Variants in MYO9A observed in about 807,000 individuals in gnomAD.
MYO9A encodes the protein myosin IXA.
Under a neutral mutation model 293.3 loss-of-function variants are expected in MYO9A, and 103 were observed. That is an observed-to-expected ratio of 0.35 (90% CI 0.30 to 0.41). The LOEUF (loss-of-function observed/expected upper bound fraction) is 0.41, where lower values mean the gene tolerates loss of function less well. Among genes scored for constraint, MYO9A ranks in the 10% least tolerant of loss-of-function variants. The pLI is 1.00. For missense variants in MYO9A, 2,685 were observed against 3,033.0 expected (o/e 0.89, Z 2.69); for synonymous variants, 1,001 against 1,035.7 (o/e 0.97, Z 0.64).
rs2056816408 is a variant in MYO9A at position 71,879,758 on chromosome 15, C to T, written c.5702G>A (p.Arg1901Gln). Residue 1901 changes from arginine to glutamine, a missense_variant, in exon 30 of 42, where the codon CGG becomes CAG. By Grantham distance (43) the Arg-to-Gln change is conservative. Transcript: ENST00000356056. Reference sequence around the variant, plus strand: ...TGAATAAAAGCTGAAGATATTCTGCCGAAATTCCTTCAGGGCTTTTTTAAA... The same window carrying T: ...TGAATAAAAGCTGAAGATATTCTGCTGAAATTCCTTCAGGGCTTTTTTAAA... ...VVFKKALKEF[R>Q]QNIFSFYSSA... The T allele has an allele frequency of 1.9e-6, 3 of 1,613,538 alleles. No homozygotes were observed. Among genetic ancestry groups the T allele is most frequent in the Non-Finnish European group, 2.5e-6 (3 of 1,179,636 alleles).
chr15:72,022,455 A>G (rs1177798410), intron 4 of MYO9A, among the ~76,000 whole-genome samples: 1 of 151,148 alleles, frequency 6.6e-6, no homozygotes, highest in Non-Finnish European at 1.5e-5. Context: ...CAGGAGGCGG[A>G]GGTTGCAGTG....
rs774915090 is a variant in MYO9A, at chr15:71,898,232, G to C, written c.4271C>G (p.Pro1424Arg). The change falls in exon 25 of 42, where the codon CCC (proline) becomes CGC (arginine). Residue 1424 changes from proline (P) to arginine (R), a missense_variant. Physicochemically the swap from Pro to Arg is moderately radical, Grantham distance 103. Coordinates refer to ENST00000356056, the MANE Select transcript of MYO9A (RefSeq NM_006901.4). ...ATTTGTTTTCAGTGGGTCTTGTTGG[G>C]GGATATAAAAAAAAGTAGGTAGACT... ...SNSLPTFFYIPQQDPLKTNSQ... is the reference protein window; with the variant it reads ...SNSLPTFFYIRQQDPLKTNSQ... 9.9e-6 allele frequency: 16 copies of C among 1,613,750 alleles called. No individual in the cohort carries two copies. The highest frequency in any genetic ancestry group is 1.3e-5 in the Non-Finnish European group (15 of 1,179,980).
intron 1 of MYO9A, among the ~76,000 whole-genome samples, chr15:72,078,917 G>A (rs549945694): frequency 5.9e-5 from 9 of 152,294 alleles, no homozygotes; most frequent in African/African-American, 2.2e-4. Context: ...TCTGGAAAAG[G>A]CAAAACTATG....
chr15:72,042,885 G>A (rs972306497), intron 2 of MYO9A, among the ~76,000 whole-genome samples: 1 of 151,796 alleles, frequency 6.6e-6, no homozygotes, highest in African/African-American at 2.4e-5. Flanking sequence ...AGGCAACATA[G>A]TGAGACCTCG....
At chr15:72,045,595 A>G in intron 2 of MYO9A, 129 bp downstream of exon 2, 1 of 1,083,010 alleles carries the variant, frequency 9.2e-7, no homozygotes, top group African/African-American at 1.6e-5. Context: ...TGGGAGATGG[A>G]ACAGTATCTT....
At chr15:72,068,378 T>C (rs1001669359) in intron 1 of MYO9A, among the ~76,000 whole-genome samples, 4 of 152,198 alleles carry the variant, frequency 2.6e-5, no homozygotes, top group African/African-American at 4.8e-5. Flanking sequence ...ATAAGAAATA[T>C]GTGATATTAT....
chr15:71,824,757 T>C lies in MYO9A; in HGVS notation c.*1823A>G, dbSNP rs1357789143. On this transcript the variant is annotated 3_prime_UTR_variant, in exon 42 of 42. Transcript: ENST00000356056. ...TTAACTATCATTATTCTGGAGATTTTAATGGCTTCCTTTCTCTGGCTCAAT... is the reference window on the plus strand; with the variant it reads ...TTAACTATCATTATTCTGGAGATTTCAATGGCTTCCTTTCTCTGGCTCAAT... 1.3e-5 allele frequency: 2 copies of C among 152,218 alleles called. No homozygotes were observed. The highest frequency in any genetic ancestry group is 4.8e-5 in the African/African-American group (2 of 41,454). 9.4% of individuals were successfully genotyped at this position (152,218 alleles called of 1,614,324 possible). A position where few individuals can be genotyped will look rare whatever the true frequency, so the allele number is the denominator to read the frequency against.
chr15:72,091,666 C>A (rs2079913996), intron 1 of MYO9A, among the ~76,000 whole-genome samples: 1 of 151,916 alleles, frequency 6.6e-6, no homozygotes, highest in Non-Finnish European at 1.5e-5. Context: ...AACACAACTA[C>A]AACTAAGATT....
intron 13 of MYO9A, among the ~76,000 whole-genome samples, chr15:71,967,757 A>T (rs926503772): frequency 6.6e-6 from 1 of 152,216 alleles, no homozygotes; most frequent in Non-Finnish European, 1.5e-5. Flanking sequence ...ATCAGGATCA[A>T]CTGACAACAT....
chr15:72,078,784 T>C (rs1442571308), intron 1 of MYO9A, among the ~76,000 whole-genome samples: 1 of 152,122 alleles, frequency 6.6e-6, no homozygotes, highest in East Asian at 1.9e-4. Flanking sequence ...TACAATAGAA[T>C]ATATTTCAGC....
intron 1 of MYO9A, among the ~76,000 whole-genome samples, chr15:72,063,199 A>G (rs550330507): frequency 1.4e-4 from 21 of 152,370 alleles, no homozygotes; most frequent in African/African-American, 4.8e-4. Flanking sequence ...ATCCATATGC[A>G]GAAGGGAGAA....
At chr15:71,969,403 T>C (rs1405081645) in intron 12 of MYO9A, among the ~76,000 whole-genome samples, 1 of 152,218 alleles carries the variant, frequency 6.6e-6, no homozygotes, top group Non-Finnish European at 1.5e-5. Context: ...CAATCTTCTT[T>C]CAAGTCACCA....
intron 1 of MYO9A, among the ~76,000 whole-genome samples, chr15:72,058,199 T>A (rs2078775265): frequency 6.6e-6 from 1 of 152,186 alleles, no homozygotes; most frequent in Non-Finnish European, 1.5e-5. Flanking sequence ...GGGAGATAGC[T>A]GTAAAGTCAA....
rs190185984 is a variant in MYO9A at position 72,116,115 on chromosome 15, G to C, written c.-72+1565C>G. Among the ~76,000 whole-genome samples the C allele has an allele frequency of 1.5e-3, 224 of 152,260 alleles. 1 individual carries two copies. The highest frequency in any genetic ancestry group is 5.7e-4 in the Non-Finnish European group (39 of 68,012). ...TTATATATTGGAAATATCACAGAAA[G>C]GATACACATGAAGCTGGAAATAGTG... On this transcript the variant is annotated intron_variant, in intron 1 of 41. Transcript: ENST00000356056.
chr15:71,966,677 A>G (rs1035687819), intron 13 of MYO9A, among the ~76,000 whole-genome samples: 1 of 151,674 alleles, frequency 6.6e-6, no homozygotes, highest in South Asian at 2.1e-4. Flanking sequence ...ATCCCCCCCA[A>G]CCTCTACTGC....
At chr15:71,893,149 G>A (rs2057228136) in intron 26 of MYO9A, 2 of 1,283,724 alleles carry the variant, frequency 1.6e-6, no homozygotes, top group African/African-American at 3.1e-5. Flanking sequence ...CGCCATTCGA[G>A]CTTTCTTTTT....
At chr15:71,911,600 T>C (rs2057853200) in intron 19 of MYO9A, among the ~76,000 whole-genome samples, 1 of 152,212 alleles carries the variant, frequency 6.6e-6, no homozygotes, top group Admixed American at 6.5e-5. Flanking sequence ...ACAGCATGTG[T>C]ATGACTGATT....
chr15:71,863,814 CT>C (rs1473338221), intron 32 of MYO9A, among the ~76,000 whole-genome samples: 1 of 152,114 alleles, frequency 6.6e-6, no homozygotes, highest in Non-Finnish European at 1.5e-5. Context: ...ATCCATCCCC[CT>C]CACACCCCCT....
intron 13 of MYO9A, among the ~76,000 whole-genome samples, chr15:71,966,148 A>AT (rs1180753388): frequency 1.3e-5 from 2 of 152,144 alleles, no homozygotes; most frequent in African/African-American, 4.8e-5. Flanking sequence ...AAGTGCTGGG[A>AT]TTACAGGCGT....
Sources: allele counts gnomAD v4.1 joint callset (sites outside exome capture counted in the v4.1 genomes callset), GRCh38; gene constraint gnomAD v4.1.1; transcripts MANE v1.5; gene names NCBI Gene and HGNC (gene_info 2026-07-23, HGNC 2026-07-21).